PRKCH: variants seen among roughly 807,000 people sequenced by gnomAD.
The protein encoded by PRKCH is protein kinase C eta type.
In PRKCH, 28 loss-of-function variants were observed where a neutral mutation model predicts 82.5. The ratio of observed to expected loss-of-function variants is 0.34; its 90% confidence interval spans 0.25 to 0.47. The LOEUF (loss-of-function observed/expected upper bound fraction) is 0.47, where lower values mean the gene tolerates loss of function less well. Ranked by LOEUF, PRKCH falls within the 20% of genes least tolerant of loss-of-function variation. The pLI, the probability that PRKCH is intolerant of heterozygous loss-of-function variation, is 1.00. For synonymous variants in PRKCH, 322 were observed against 327.4 expected, an observed-to-expected ratio of 0.98 and a Z score of 0.18; for missense variants, 705 against 881.8, an observed-to-expected ratio of 0.80 and a Z score of 2.54.
chr14:61,289,402 G>T (rs747916734), intron 1 of PRKCH, among the ~76,000 whole-genome samples: 1 of 152,168 alleles, frequency 6.6e-6, no homozygotes, highest in African/African-American at 2.4e-5. Context: ...ATACATGAGG[G>T]TCATTACCAA....
At position 61,307,661 on chromosome 14, in the gene PRKCH, G is replaced by A. The variant is rs145521646; in HGVS notation, c.-19+119993G>A. On this transcript the variant is annotated intron_variant, in intron 1 of 3. Coordinates refer to the PRKCH transcript ENST00000555185. ...AAATGGACCCATTTTTCCTGTGTTC[G>A]TCTGGCCCATCTTATTACAATGCTG... 5.9e-5 allele frequency among the ~76,000 whole-genome samples: 9 copies of A among 152,074 alleles called. No individual in the cohort carries two copies. The South Asian group carries it at 6.2e-4, about 11-fold the overall frequency.
At chr14:61,244,452 T>C (rs1328566310) in intron 1 of PRKCH, among the ~76,000 whole-genome samples, 5 of 152,224 alleles carry the variant, frequency 3.3e-5, no homozygotes, top group African/African-American at 1.2e-4. Context: ...TGCATTTTTG[T>C]TTTAAACCTA....
intron 1 of PRKCH, among the ~76,000 whole-genome samples, chr14:61,251,288 T>C (rs570517910): frequency 2.4e-4 from 37 of 152,322 alleles, no homozygotes; most frequent in African/African-American, 8.7e-4. Context: ...TGCTATCAAG[T>C]ACTAGGTCTT....
At chr14:61,270,158 C>G (rs552407573) in intron 1 of PRKCH, among the ~76,000 whole-genome samples, 2 of 152,154 alleles carry the variant, frequency 1.3e-5, no homozygotes, top group African/African-American at 2.4e-5. Context: ...CATGGCCTCC[C>G]GCTTTCTGCT....
intron 1 of PRKCH, among the ~76,000 whole-genome samples, chr14:61,229,776 A>ATAG (rs1170173627): frequency 6.6e-6 from 1 of 152,134 alleles, no homozygotes; most frequent in Admixed American, 6.5e-5. Flanking sequence ...CATCGATAGA[A>ATAG]ATGGGCTCTA....
At chr14:61,494,366 T>G (rs2139936745) in intron 10 of PRKCH, among the ~76,000 whole-genome samples, 1 of 152,310 alleles carries the variant, frequency 6.6e-6, no homozygotes, top group Middle Eastern at 3.4e-3. Flanking sequence ...GCCAGTGTAT[T>G]AAAAATATAA....
chr14:61,376,590 G>A (rs753873031), intron 1 of PRKCH, among the ~76,000 whole-genome samples: 2 of 151,910 alleles, frequency 1.3e-5, no homozygotes, highest in East Asian at 1.9e-4. Context: ...CTTATCCTTA[G>A]CCACCAAGTC....
intron 1 of PRKCH, chr14:61,277,582 C>G (rs1485606711): frequency 6.6e-6 from 1 of 152,162 alleles, no homozygotes; most frequent in Non-Finnish European, 1.5e-5. Flanking sequence ...GAAAACGTTT[C>G]CCATTTCAGT....
At chr14:61,461,566 G>A (rs75021776) in intron 9 of PRKCH, among the ~76,000 whole-genome samples, 1 of 152,252 alleles carries the variant, frequency 6.6e-6, no homozygotes, top group East Asian at 1.9e-4. Context: ...GAGTCAAGCA[G>A]TCAACTGATA....
intron 1 of PRKCH, among the ~76,000 whole-genome samples, chr14:61,271,811 A>G (rs1272536392): frequency 7.2e-5 from 11 of 152,210 alleles, no homozygotes; most frequent in Admixed American, 7.2e-4. Context: ...CTGAAGTCAC[A>G]CTGCCCTCAG....
intron 1 of PRKCH, among the ~76,000 whole-genome samples, chr14:61,370,876 T>G (rs1327826624): frequency 6.6e-6 from 1 of 152,052 alleles, no homozygotes; most frequent in Non-Finnish European, 1.5e-5. Context: ...CACCAAACAC[T>G]GCAGTATGGA....
intron 2 of PRKCH, among the ~76,000 whole-genome samples, chr14:61,438,515 A>G (rs947670525): frequency 2.0e-5 from 3 of 152,226 alleles, no homozygotes; most frequent in African/African-American, 7.2e-5. Flanking sequence ...AGTACTTTCA[A>G]ATATATATTT....
chr14:61,230,776 T>C (rs2044737021), intron 1 of PRKCH, among the ~76,000 whole-genome samples: 1 of 152,204 alleles, frequency 6.6e-6, no homozygotes, highest in African/African-American at 2.4e-5. Flanking sequence ...GAAGGCCCCC[T>C]TCTAATTCAG....
At chr14:61,536,195 C>G (rs55720137) in intron 12 of PRKCH, among the ~76,000 whole-genome samples, 3,141 of 152,230 alleles carry the variant, frequency 0.021, 116 homozygotes, top group African/African-American at 0.072. Flanking sequence ...TTTTTTGCCA[C>G]AGACAAAATT....
chr14:61,189,626 C>T (rs2044394764), intron 1 of PRKCH, among the ~76,000 whole-genome samples: 1 of 151,854 alleles, frequency 6.6e-6, no homozygotes, highest in African/African-American at 2.4e-5. Flanking sequence ...TTTCTTCCTC[C>T]CTTTCTCTCT....
intron 2 of PRKCH, among the ~76,000 whole-genome samples, chr14:61,402,637 A>G (rs950404413): frequency 3.3e-5 from 5 of 152,018 alleles, no homozygotes; most frequent in African/African-American, 1.2e-4. Context: ...TCTACTAAAA[A>G]TACAAAAAAA....
At position 61,530,436 on chromosome 14, in the gene PRKCH, A is replaced by G; in HGVS notation, c.1602A>G (p.Ala534=). The G allele has an allele frequency of 6.2e-7, 1 of 1,607,992 alleles. No homozygotes were observed. Among genetic ancestry groups the G allele is most frequent in the Non-Finnish European group, 8.5e-7 (1 of 1,177,084 alleles). ...EILQEMLYGP[A]VDWWAMGVLL... ...TCCAGGAAATGCTGTACGGGCCTGCAGTAGACTGGTGGGCAATGGGCGTGT... is the reference window on the plus strand; with the variant it reads ...TCCAGGAAATGCTGTACGGGCCTGCGGTAGACTGGTGGGCAATGGGCGTGT... The change falls in exon 12 of 14, where the codon GCA becomes GCG. Residue 534 remains alanine (A), a synonymous_variant. Transcript: ENST00000332981.
At chr14:61,189,157 C>G (rs2140078443) in intron 1 of PRKCH, among the ~76,000 whole-genome samples, 1 of 152,358 alleles carries the variant, frequency 6.6e-6, no homozygotes, top group African/African-American at 2.4e-5. Context: ...CCCAGCGCCC[C>G]CGCGAGGCCC....
At chr14:61,524,740 G>A (rs1254721411) in intron 10 of PRKCH, among the ~76,000 whole-genome samples, 2 of 152,112 alleles carry the variant, frequency 1.3e-5, no homozygotes, top group African/African-American at 4.8e-5. Context: ...CTGCTCTTCC[G>A]TTTGGATGCA....
Sources: allele counts gnomAD v4.1 joint callset (sites outside exome capture counted in the v4.1 genomes callset), GRCh38; gene constraint gnomAD v4.1.1; transcripts MANE v1.5; gene names NCBI Gene and HGNC (gene_info 2026-07-23, HGNC 2026-07-21).